Variants in NAV2 observed in about 807,000 individuals in gnomAD.
The protein encoded by NAV2 is neuron navigator 2.
NAV2 carries 54 observed loss-of-function variants against 223.2 expected under a neutral mutation model. That is an observed-to-expected ratio of 0.24 (90% CI 0.19 to 0.30). The LOEUF is 0.30. NAV2 is among the 10% of genes least tolerant of loss of function. The pLI, the probability that NAV2 is intolerant of heterozygous loss-of-function variation, is 1.00. For synonymous variants in NAV2, 1,279 were observed against 1,239.3 expected (o/e 1.03, Z -0.67); for missense variants, 2,806 against 3,147.5 (o/e 0.89, Z 2.60).
chr11:19,436,557 A>G (rs992812458), intron 1 of NAV2, among the ~76,000 whole-genome samples: 2 of 151,856 alleles, frequency 1.3e-5, no homozygotes, highest in East Asian at 1.9e-4. Flanking sequence ...TGCTTTGGCT[A>G]TTTGGGGTCT....
chr11:19,827,192 T>C (rs1396938977), intron 1 of NAV2, among the ~76,000 whole-genome samples: 2 of 152,216 alleles, frequency 1.3e-5, no homozygotes, highest in East Asian at 3.9e-4. Context: ...TTATTACTAC[T>C]GAGCATGTGG....
At chr11:19,810,095 A>G (rs913784902) in intron 1 of NAV2, among the ~76,000 whole-genome samples, 1 of 152,062 alleles carries the variant, frequency 6.6e-6, no homozygotes, top group Non-Finnish European at 1.5e-5. Flanking sequence ...TACATGGAAG[A>G]TTTTTCTCTT....
chr11:19,588,881 C>T (rs1291736790), intron 1 of NAV2, among the ~76,000 whole-genome samples: 3 of 152,232 alleles, frequency 2.0e-5, no homozygotes, highest in African/African-American at 7.2e-5. Flanking sequence ...AGCCTGCTGT[C>T]CTTGCCCATG....
chr11:19,699,194 G>C (rs1016094207), intron 1 of NAV2, among the ~76,000 whole-genome samples: 1 of 152,224 alleles, frequency 6.6e-6, no homozygotes, highest in African/African-American at 2.4e-5. Flanking sequence ...ATGGAGTTTA[G>C]AATCAGACAA....
At chr11:19,605,833 C>T (rs375178565) in intron 1 of NAV2, among the ~76,000 whole-genome samples, 1 of 152,186 alleles carries the variant, frequency 6.6e-6, no homozygotes, top group African/African-American at 2.4e-5. Flanking sequence ...AGGCCCCAGA[C>T]AGGATTTGGG....
intron 1 of NAV2, among the ~76,000 whole-genome samples, chr11:19,462,818 G>A (rs1852212904): frequency 6.6e-6 from 1 of 152,178 alleles, no homozygotes; most frequent in African/African-American, 2.4e-5. Flanking sequence ...GTCTTAGTTG[G>A]AGTCTTGATA....
intron 5 of NAV2, among the ~76,000 whole-genome samples, chr11:19,889,390 T>G (rs967555585): frequency 6.6e-6 from 1 of 152,082 alleles, no homozygotes; most frequent in African/African-American, 2.4e-5. Flanking sequence ...CTCTGAATGG[T>G]GGGAAAAAGT....
Position 20,076,845 on chromosome 11 carries a change from A to G in NAV2, c.4984-707A>G, listed in dbSNP as rs137939716. On this transcript the variant is annotated intron_variant, in intron 22 of 37. Transcript: ENST00000349880. ...TTTAAAAAATTCTTAGAAATATAAAATAATGGTACATCTTATGTCATATTC... is the reference window on the plus strand; with the variant it reads ...TTTAAAAAATTCTTAGAAATATAAAGTAATGGTACATCTTATGTCATATTC... Among the ~76,000 whole-genome samples, 14 of 152,360 alleles carry G rather than the reference A, an allele frequency of 9.2e-5. No individual in the cohort carries two copies. In the East Asian group the frequency reaches 1.3e-3, roughly 15 times the overall value.
rs867590612 is a variant in NAV2, at chr11:19,467,022, G to C, written c.75+115995G>C. Reference sequence around the variant, plus strand: ...ACACACACACACACACACACACAGAGAGAGAGAGAGAGAGAGAGAGAGATA... The same window carrying C: ...ACACACACACACACACACACACAGACAGAGAGAGAGAGAGAGAGAGAGATA... On this transcript the variant is annotated intron_variant, in intron 1 of 37. Coordinates refer to the NAV2 transcript ENST00000360655. Among the ~76,000 whole-genome samples the C allele has an allele frequency of 8.7e-3, 772 of 89,060 alleles. 4 individuals are homozygous for C. Among genetic ancestry groups the C allele is most frequent in the African/African-American group, 0.017 (404 of 23,582 alleles). 58.4% of individuals were successfully genotyped at this position (89,060 alleles called of 152,430 possible).
intron 1 of NAV2, among the ~76,000 whole-genome samples, chr11:19,479,583 A>G (rs1347206687): frequency 2.0e-5 from 3 of 152,238 alleles, no homozygotes; most frequent in African/African-American, 7.2e-5. Flanking sequence ...ACTAAATGGC[A>G]GAACTGGGAT....
chr11:19,402,309 G>A (rs1167462974), intron 1 of NAV2, among the ~76,000 whole-genome samples: 2 of 152,174 alleles, frequency 1.3e-5, no homozygotes, highest in Admixed American at 1.3e-4. Flanking sequence ...ATTTCCTCAT[G>A]TGTAAAATAA....
intron 6 of NAV2, among the ~76,000 whole-genome samples, chr11:19,900,682 T>C (rs1008893270): frequency 1.3e-5 from 2 of 152,184 alleles, no homozygotes; most frequent in African/African-American, 2.4e-5. Context: ...TCAATTGTCA[T>C]AGAACTCAGA....
At chr11:20,069,585 G>A (rs1201128073) in intron 22 of NAV2, among the ~76,000 whole-genome samples, 1 of 152,168 alleles carries the variant, frequency 6.6e-6, no homozygotes, top group East Asian at 1.9e-4. Context: ...GTGACCAGGT[G>A]AAGGATGAAG....
intron 1 of NAV2, among the ~76,000 whole-genome samples, chr11:19,437,029 A>T (rs1263355557): frequency 1.3e-5 from 2 of 152,164 alleles, no homozygotes; most frequent in Non-Finnish European, 2.9e-5. Context: ...CAGCAGAGAC[A>T]GTTTCACTTC....
intron 1 of NAV2, among the ~76,000 whole-genome samples, chr11:19,477,181 G>A (rs528427413): frequency 6.6e-6 from 1 of 152,232 alleles, no homozygotes; most frequent in Middle Eastern, 3.4e-3. Flanking sequence ...TAGCAAAGCT[G>A]ACAGATAAGC....
chr11:19,874,568 C>A (rs548227348), intron 4 of NAV2, among the ~76,000 whole-genome samples: 4 of 152,278 alleles, frequency 2.6e-5, no homozygotes, highest in Non-Finnish European at 5.9e-5. Context: ...TCCTGTGGAG[C>A]TGGCTTACCA....
chr11:20,040,411 A>C (rs774541544), intron 12 of NAV2, among the ~76,000 whole-genome samples: 4 of 152,210 alleles, frequency 2.6e-5, no homozygotes, highest in Non-Finnish European at 5.9e-5. Flanking sequence ...TTCACCATCA[A>C]TGCTGTAAGA....
chr11:19,615,117 C>T (rs1043443425), intron 1 of NAV2, among the ~76,000 whole-genome samples: 3 of 151,976 alleles, frequency 2.0e-5, no homozygotes, highest in African/African-American at 7.3e-5. Context: ...TCACTAGTGC[C>T]TACTCACCTA....
rs1245579688 is a variant in NAV2, at chr11:19,470,188, A to T, written c.75+119161A>T. 2.6e-5 allele frequency among the ~76,000 whole-genome samples: 4 copies of T among 152,014 alleles called. No individual in the cohort carries two copies. In the East Asian group the frequency reaches 7.7e-4, roughly 29 times the overall value. ...GGTGTTTAGACCATTCCCTAGACAG[A>T]CTCCAGATGATTTTTCATGACTCCA... On this transcript the variant is annotated intron_variant, in intron 1 of 37. Coordinates refer to the NAV2 transcript ENST00000360655.
Sources: allele counts gnomAD v4.1 joint callset (sites outside exome capture counted in the v4.1 genomes callset), GRCh38; gene constraint gnomAD v4.1.1; transcripts MANE v1.5; gene names NCBI Gene and HGNC (gene_info 2026-07-23, HGNC 2026-07-21).